CCDC170: variants seen among roughly 807,000 people sequenced by gnomAD.
CCDC170 encodes coiled-coil domain-containing protein 170.
A neutral mutation model predicts 72.6 loss-of-function variants in CCDC170; 69 were observed. The ratio of observed to expected loss-of-function variants is 0.95; its 90% confidence interval spans 0.78 to 1.16. The LOEUF is 1.16. CCDC170 is among the 50% of genes most tolerant of loss of function. CCDC170 has a pLI of 0.00. For missense variants in CCDC170, 852 were observed against 832.5 expected (o/e 1.02, Z -0.29); for synonymous variants, 300 against 303.9 (o/e 0.99, Z 0.13).
At position 151,538,210 on chromosome 6, in the gene CCDC170, TC is replaced by T. The variant is rs1782625416; in HGVS notation, c.353del (p.Ser118LeufsTer19). ...LEEESAALST[S>X]KIRTEITAHA... Reference sequence around the variant, plus strand: ...AGAAGAATCAGCAGCACTTTCCACTTCTAAAATCAGAACAGAAATCACAGCT... The same window carrying T: ...AGAAGAATCAGCAGCACTTTCCACTTTAAAATCAGAACAGAAATCACAGCT... On this transcript the variant is annotated frameshift_variant, in exon 3 of 11. Transcript: ENST00000239374. LOFTEE classifies it high-confidence loss of function. 1 of 1,613,852 alleles carries T rather than the reference TC, an allele frequency of 6.2e-7. No individual in the cohort carries two copies. Among genetic ancestry groups the T allele is most frequent in the African/African-American group, 1.3e-5 (1 of 75,020 alleles).
At chr6:151,587,400 A>G (rs370068583) in intron 7 of CCDC170, among the ~76,000 whole-genome samples, 1 of 152,058 alleles carries the variant, frequency 6.6e-6, no homozygotes, top group Non-Finnish European at 1.5e-5. Flanking sequence ...AGTGGCTGTG[A>G]AAAACAAGAT....
Position 151,620,803 on chromosome 6 carries a change from A to T in CCDC170, c.*2656A>T, listed in dbSNP as rs191375880. ...TTTAAATAATATTTTAAAAACATGA[A>T]ATTTTTTTTTCATTTTTGATTTGAT... On this transcript the variant is annotated 3_prime_UTR_variant, in exon 11 of 11. Transcript: ENST00000239374. The T allele has an allele frequency of 7.4e-6, 1 of 135,712 alleles. No individual in the cohort carries two copies. Among genetic ancestry groups the T allele is most frequent in the Non-Finnish European group, 1.5e-5 (1 of 65,264 alleles). 8.4% of individuals were successfully genotyped at this position (135,712 alleles called of 1,614,324 possible).
intron 3 of CCDC170, among the ~76,000 whole-genome samples, chr6:151,539,690 C>G (rs1782651808): frequency 6.6e-6 from 1 of 152,194 alleles, no homozygotes; most frequent in African/African-American, 2.4e-5. Context: ...TGTGTCTAGC[C>G]TGGATCTCTT....
At chr6:151,585,190 G>A (rs931395829) in intron 6 of CCDC170, among the ~76,000 whole-genome samples, 9 of 152,176 alleles carry the variant, frequency 5.9e-5, no homozygotes, top group African/African-American at 2.2e-4. Context: ...CAAATCAGGT[G>A]GGTTGTGGAG....
intron 5 of CCDC170, among the ~76,000 whole-genome samples, chr6:151,554,872 G>GTTTTTTTTT: frequency 9.8e-6 from 1 of 102,318 alleles, no homozygotes; most frequent in Non-Finnish European, 1.9e-5. Context: ...TTGGACCTCA[G>GTTTTTTTTT]TTTTTTTTTT....
At chr6:151,503,791 G>C (rs979912680) in intron 1 of CCDC170, among the ~76,000 whole-genome samples, 1 of 152,070 alleles carries the variant, frequency 6.6e-6, no homozygotes, top group African/African-American at 2.4e-5. Flanking sequence ...AATGTTCCTC[G>C]ATTTGGGTAT....
At chr6:151,607,212 G>A (rs377384613) in intron 9 of CCDC170, among the ~76,000 whole-genome samples, 1 of 151,948 alleles carries the variant, frequency 6.6e-6, no homozygotes, top group Admixed American at 6.5e-5. Flanking sequence ...GTCTACGGGG[G>A]TTGACCTTGG....
At chr6:151,615,100 A>G (rs901980628) in intron 9 of CCDC170, among the ~76,000 whole-genome samples, 2 of 152,238 alleles carry the variant, frequency 1.3e-5, no homozygotes, top group Non-Finnish European at 2.9e-5. Flanking sequence ...TGGTCAGGGC[A>G]GAAAGTTGAA....
At chr6:151,516,076 A>G (rs181117081) in intron 1 of CCDC170, among the ~76,000 whole-genome samples, 164 of 152,196 alleles carry the variant, frequency 1.1e-3, no homozygotes, top group African/African-American at 3.8e-3. Flanking sequence ...GAAAAAAAAA[A>G]AAAAGAAAAG....
chr6:151,544,296 G>A (rs1379131187), intron 3 of CCDC170, among the ~76,000 whole-genome samples: 4 of 152,074 alleles, frequency 2.6e-5, no homozygotes, highest in East Asian at 1.9e-4. Flanking sequence ...TGAGGCTAGG[G>A]GAATTCATTT....
At chr6:151,528,115 T>C (rs1583010714) in intron 1 of CCDC170, among the ~76,000 whole-genome samples, 1 of 152,320 alleles carries the variant, frequency 6.6e-6, no homozygotes, top group East Asian at 1.9e-4. Context: ...ATAATATCAG[T>C]AGCAGAATCA....
At chr6:151,515,364 C>A (rs1183488101) in intron 1 of CCDC170, among the ~76,000 whole-genome samples, 1 of 152,238 alleles carries the variant, frequency 6.6e-6, no homozygotes, top group Non-Finnish European at 1.5e-5. Context: ...CTCACTGCAA[C>A]CTCTGCCTCC....
At chr6:151,561,124 A>G (rs1443320057) in intron 5 of CCDC170, among the ~76,000 whole-genome samples, 1 of 151,938 alleles carries the variant, frequency 6.6e-6, no homozygotes, top group East Asian at 1.9e-4. Flanking sequence ...GGTACATGAG[A>G]TATTTTGATA....
At chr6:151,525,774 T>TA (rs1197239960) in intron 1 of CCDC170, among the ~76,000 whole-genome samples, 1 of 152,220 alleles carries the variant, frequency 6.6e-6, no homozygotes, top group Non-Finnish European at 1.5e-5. Context: ...ACACTATAGT[T>TA]AACTAATTCA....
At chr6:151,560,809 A>G (rs1783065189) in intron 5 of CCDC170, among the ~76,000 whole-genome samples, 1 of 151,868 alleles carries the variant, frequency 6.6e-6, no homozygotes, top group South Asian at 2.1e-4. Context: ...CATTTGTGTG[A>G]TGGATATTTC....
intron 1 of CCDC170, among the ~76,000 whole-genome samples, chr6:151,510,399 A>G (rs931061115): frequency 6.6e-6 from 1 of 152,224 alleles, no homozygotes; most frequent in Non-Finnish European, 1.5e-5. Flanking sequence ...ACTGAAGAAA[A>G]AGGCAAAACA....
At chr6:151,529,820 T>C (rs1306304421) in intron 1 of CCDC170, among the ~76,000 whole-genome samples, 2 of 152,176 alleles carry the variant, frequency 1.3e-5, no homozygotes, top group African/African-American at 2.4e-5. Context: ...GAGTAATTTA[T>C]GAGGAAAATA....
At chr6:151,570,952 C>T (rs1776209391) in intron 5 of CCDC170, among the ~76,000 whole-genome samples, 1 of 152,134 alleles carries the variant, frequency 6.6e-6, no homozygotes, top group African/African-American at 2.4e-5. Flanking sequence ...AAATAGATTC[C>T]ATAATTAGTT....
At chr6:151,615,724 G>C (rs969101133) in intron 10 of CCDC170, 45 bp downstream of exon 10, 3 of 1,322,776 alleles carry the variant, frequency 2.3e-6, no homozygotes, top group Non-Finnish European at 3.2e-6. Flanking sequence ...GAAATGACAG[G>C]ACAATTCAAG....
Sources: gnomAD v4.1 joint callset for allele counts (sites outside exome capture counted in the v4.1 genomes callset) on GRCh38, gnomAD v4.1.1 for gene constraint, MANE v1.5 for transcripts, NCBI Gene and HGNC (gene_info 2026-07-23, HGNC 2026-07-21) for gene names.